Variants in TTC7B observed in about 807,000 individuals in gnomAD.
TTC7B encodes tetratricopeptide repeat domain 7B, also known as tetratricopeptide repeat protein 7B.
In TTC7B, 28 loss-of-function variants were observed where a neutral mutation model predicts 106.8. The observed-to-expected ratio is 0.26, with a 90% confidence interval of 0.19 to 0.36. The LOEUF (loss-of-function observed/expected upper bound fraction) is 0.36, where lower values mean the gene tolerates loss of function less well. TTC7B is among the 10% of genes least tolerant of loss of function. The pLI, the probability that TTC7B is intolerant of heterozygous loss-of-function variation, is 1.00. For synonymous variants in TTC7B, 405 were observed against 430.6 expected, an observed-to-expected ratio of 0.94 and a Z score of 0.74; for missense variants, 862 against 1,076.4, an observed-to-expected ratio of 0.80 and a Z score of 2.79.
chr14:90,669,166 A>C (rs1445386203), intron 9 of TTC7B, among the ~76,000 whole-genome samples: 1 of 116,250 alleles, frequency 8.6e-6, no homozygotes, highest in Non-Finnish European at 2.1e-5. Flanking sequence ...TCCACATGCA[A>C]AAGAATGGAG....
intron 6 of TTC7B, among the ~76,000 whole-genome samples, chr14:90,691,223 T>C (rs541037993): frequency 6.6e-6 from 1 of 152,304 alleles, no homozygotes; most frequent in South Asian, 2.1e-4. Flanking sequence ...TCTGAATACA[T>C]TTGCCATGGA....
chr14:90,642,036 C>T (rs530066762), intron 15 of TTC7B, among the ~76,000 whole-genome samples: 1 of 152,114 alleles, frequency 6.6e-6, no homozygotes, highest in East Asian at 1.9e-4. Context: ...TCAGGTTGTA[C>T]TTTACCGATG....
chr14:90,591,895 T>C (rs1891974140), intron 18 of TTC7B, among the ~76,000 whole-genome samples: 1 of 152,240 alleles, frequency 6.6e-6, no homozygotes, highest in South Asian at 2.1e-4. Context: ...AGAGCCAGAA[T>C]GTCTGGGACC....
Position 90,570,389 on chromosome 14 carries a change from G to A in TTC7B, c.2310+7717C>T, listed in dbSNP as rs1890985894. Among the ~76,000 whole-genome samples the A allele has an allele frequency of 6.6e-6, 1 of 152,122 alleles. No individual in the cohort carries two copies. The highest frequency in any genetic ancestry group is 6.5e-5 in the Admixed American group (1 of 15,274). On this transcript the variant is annotated intron_variant, in intron 19 of 19. Transcript: ENST00000328459. This position sits in a 1 kb window ranked among gnomAD's most constrained non-coding sequence, Gnocchi z 4.0. ...GCCTCTGCACCAAGGCAGGAGCCCT[G>A]GCTGGAGAGAAACAGCTGGTTCTGA...
chr14:90,637,123 C>T (rs1330202140), intron 15 of TTC7B, among the ~76,000 whole-genome samples: 1 of 151,738 alleles, frequency 6.6e-6, no homozygotes, highest in Non-Finnish European at 1.5e-5. Flanking sequence ...ATCCATGTAA[C>T]AGACAAGTAT....
At chr14:90,568,569 C>A (rs965954744) in intron 19 of TTC7B, among the ~76,000 whole-genome samples, 2 of 152,216 alleles carry the variant, frequency 1.3e-5, no homozygotes, top group African/African-American at 4.8e-5. Context: ...GCTTGCATTT[C>A]AGAGCCTGCC....
At chr14:90,782,982 C>T (rs1891269679) in intron 2 of TTC7B, among the ~76,000 whole-genome samples, 1 of 152,096 alleles carries the variant, frequency 6.6e-6, no homozygotes, top group Non-Finnish European at 1.5e-5. Context: ...AACTGGAGAG[C>T]CAGGTGGAGA....
intron 9 of TTC7B, among the ~76,000 whole-genome samples, chr14:90,668,532 G>A (rs1183227514): frequency 2.0e-5 from 3 of 152,168 alleles, no homozygotes; most frequent in Middle Eastern, 3.2e-3. Context: ...ACATTAGAAA[G>A]CAGATTATTA....
chr14:90,733,629 G>A lies in TTC7B; in HGVS notation c.577-3433C>T, dbSNP rs150074142. Among the ~76,000 whole-genome samples, 192 of 152,296 alleles carry A rather than the reference G, an allele frequency of 1.3e-3. 2 individuals are homozygous for A. The highest frequency in any genetic ancestry group is 4.2e-3 in the African/African-American group (175 of 41,548). ...TGTTCTGTGGATAAACACTTCCAGC[G>A]AGGAGACTGCCAACAAGCGTCCTTA... On this transcript the variant is annotated intron_variant, in intron 4 of 19. Coordinates refer to ENST00000328459, the MANE Select transcript of TTC7B (RefSeq NM_001010854.2).
intron 19 of TTC7B, among the ~76,000 whole-genome samples, chr14:90,565,828 G>A (rs941482747): frequency 6.6e-6 from 1 of 152,156 alleles, no homozygotes; most frequent in Admixed American, 6.6e-5. Context: ...GAATAGGGAG[G>A]TCCAAGGAGA....
rs1315678805 is a variant in TTC7B at position 90,570,277 on chromosome 14, G to A, written c.2310+7829C>T. Among the ~76,000 whole-genome samples the A allele has an allele frequency of 6.6e-6, 1 of 152,196 alleles. No individual in the cohort carries two copies. The highest frequency in any genetic ancestry group is 1.5e-5 in the Non-Finnish European group (1 of 68,040). ...TGATCTCATGTCAAATCACATGGCT[G>A]CATCATCCAATCCTGCCTCGAAGTC... On this transcript the variant is annotated intron_variant, in intron 19 of 19. Transcript: ENST00000328459. The surrounding 1 kb of genome is among the most constrained non-coding windows in gnomAD (Gnocchi z 4.0).
chr14:90,745,021 T>A, intron 3 of TTC7B, 99 bp from the exon 4 acceptor site: 1 of 1,197,334 alleles, frequency 8.4e-7, no homozygotes, highest in Non-Finnish European at 1.2e-6. Context: ...CTGTAGAATA[T>A]CATGTTGTTT....
chr14:90,682,819 C>T (rs185430007), intron 7 of TTC7B, among the ~76,000 whole-genome samples: 17 of 152,358 alleles, frequency 1.1e-4, no homozygotes, highest in South Asian at 8.3e-4. Flanking sequence ...GCAGCTGCTG[C>T]GCTGAGAATG....
At chr14:90,662,273 C>T (rs1410886886) in intron 9 of TTC7B, among the ~76,000 whole-genome samples, 3 of 152,250 alleles carry the variant, frequency 2.0e-5, no homozygotes, top group African/African-American at 4.8e-5. Context: ...CTCTGGACCT[C>T]GTTCCAAGCA....
At chr14:90,541,633 T>A (rs963081696) in intron 19 of TTC7B, 44 bp from the exon 20 acceptor site, 2 of 1,458,158 alleles carry the variant, frequency 1.4e-6, no homozygotes, top group Non-Finnish European at 1.8e-6. Flanking sequence ...CCATGGAGGC[T>A]TCAGGAGCTC....
At chr14:90,784,939 A>G (rs939538011) in intron 2 of TTC7B, among the ~76,000 whole-genome samples, 1 of 152,150 alleles carries the variant, frequency 6.6e-6, no homozygotes, top group African/African-American at 2.4e-5. Context: ...TTGCTGCACA[A>G]CTGACCAACA....
intron 5 of TTC7B, among the ~76,000 whole-genome samples, chr14:90,716,911 G>A (rs569495453): frequency 1.4e-3 from 206 of 152,224 alleles, no homozygotes; most frequent in South Asian, 4.1e-4. Context: ...GGCAGAAGGA[G>A]GAAGAGCTAG....
chr14:90,632,370 T>G (rs1433586353), intron 15 of TTC7B, among the ~76,000 whole-genome samples: 1 of 152,306 alleles, frequency 6.6e-6, no homozygotes, highest in African/African-American at 2.4e-5. Context: ...ATGTTTCAAC[T>G]TAAACTGAAC....
intron 16 of TTC7B, among the ~76,000 whole-genome samples, chr14:90,611,498 C>T (rs887783700): frequency 2.6e-5 from 4 of 152,134 alleles, no homozygotes; most frequent in African/African-American, 7.2e-5. Flanking sequence ...TGTGCTACAT[C>T]GTGTGGTTAA....
Sources: allele counts gnomAD v4.1 joint callset (sites outside exome capture counted in the v4.1 genomes callset), GRCh38; gene constraint gnomAD v4.1.1; non-coding constraint Gnocchi (gnomAD v3.1); transcripts MANE v1.5; gene names NCBI Gene and HGNC (gene_info 2026-07-23, HGNC 2026-07-21).